Variants in EYA4 observed in about 807,000 individuals in gnomAD.
EYA4 encodes the protein EYA transcriptional coactivator and phosphatase 4, also known as protein phosphatase EYA4.
EYA4 carries 31 observed loss-of-function variants against 87.9 expected under a neutral mutation model. The observed-to-expected ratio is 0.35, with a 90% CI of 0.27 to 0.48. The LOEUF (loss-of-function observed/expected upper bound fraction) is 0.48. EYA4 is among the 20% of genes least tolerant of loss of function. The probability of loss-of-function intolerance (pLI) is 0.99; values close to 1 mark genes in which losing one functional copy is unlikely to be tolerated. For synonymous variants in EYA4, 263 were observed against 270.6 expected, an observed-to-expected ratio of 0.97 and a Z score of 0.28; for missense variants, 678 against 761.4, an observed-to-expected ratio of 0.89 and a Z score of 1.29.
intron 2 of EYA4, among the ~76,000 whole-genome samples, chr6:133,369,856 G>A (rs1269317938): frequency 6.6e-6 from 1 of 152,212 alleles, no homozygotes; most frequent in Non-Finnish European, 1.5e-5. Flanking sequence ...GAGTCTAGGA[G>A]TCAGGAGATG....
At chr6:133,294,023 TTA>T (rs71771244) in intron 2 of EYA4, among the ~76,000 whole-genome samples, 3,355 of 78,274 alleles carry the variant, frequency 0.043, 120 homozygotes, top group East Asian at 0.13. Flanking sequence ...TAGGGTGATT[TTA>T]TATATATATA....
rs751122119 is a variant in EYA4 at position 133,506,212 on chromosome 6, G to A, written c.1281+17G>A. On this transcript the variant is annotated intron_variant, in intron 14 of 19. Coordinates refer to ENST00000355286, the MANE Select transcript of EYA4 (RefSeq NM_004100.5). ...GATTTAGAGGTAAGAATTTTACAAG[G>A]TACAAATAGTTGTATCCAACACCAG... 1.3e-5 allele frequency: 18 copies of A among 1,413,560 alleles called. No homozygotes were observed. The highest frequency in any genetic ancestry group is 2.3e-5 in the East Asian group (1 of 43,882). 87.6% of individuals were successfully genotyped at this position (1,413,560 alleles called of 1,614,324 possible). A position where few individuals can be genotyped will look rare whatever the true frequency, so the allele number is the denominator to read the frequency against.
Position 133,425,162 on chromosome 6 carries a change from CAGA to C in EYA4, c.84-21463_84-21461del, listed in dbSNP as rs552312133. Reference sequence around the variant, plus strand: ...GTTTAATTGACCACTTAATCTTTCACAGAAGAATATATATATGCGCCTATAAAT... The same window carrying C: ...GTTTAATTGACCACTTAATCTTTCACAGAATATATATATGCGCCTATAAAT... On this transcript the variant is annotated intron_variant, in intron 3 of 19. Coordinates refer to ENST00000355286, the MANE Select transcript of EYA4 (RefSeq NM_004100.5). Among the ~76,000 whole-genome samples the C allele has an allele frequency of 1.6e-3, 235 of 150,768 alleles. 2 individuals carry two copies. Among genetic ancestry groups the C allele is most frequent in the Non-Finnish European group, 3.0e-3 (204 of 68,028 alleles).
At chr6:133,524,977 G>T (rs1438016277) in intron 18 of EYA4, 177 bp from the exon 19 acceptor site, 11 of 1,519,184 alleles carry the variant, frequency 7.2e-6, no homozygotes, top group Non-Finnish European at 1.0e-5. Context: ...GTTAATGAAT[G>T]CAGTGGCTGG....
intron 2 of EYA4, among the ~76,000 whole-genome samples, chr6:133,284,217 A>G (rs9399055): frequency 0.12 from 18,139 of 152,232 alleles, 1,355 homozygotes; most frequent in Non-Finnish European, 0.17. Flanking sequence ...TAATTGTACA[A>G]TCTTCATTAA....
intron 2 of EYA4, among the ~76,000 whole-genome samples, chr6:133,367,682 TA>T (rs1185268121): frequency 6.6e-6 from 1 of 152,174 alleles, no homozygotes; most frequent in Non-Finnish European, 1.5e-5. Flanking sequence ...TTCAACATTT[TA>T]AAACAAGGGA....
At chr6:133,486,275 C>A (rs925220934) in intron 13 of EYA4, among the ~76,000 whole-genome samples, 2 of 151,752 alleles carry the variant, frequency 1.3e-5, no homozygotes, top group African/African-American at 4.9e-5. Flanking sequence ...TTCAGAAAAT[C>A]GGCACTGCCT....
intron 1 of EYA4, among the ~76,000 whole-genome samples, chr6:133,273,817 A>T (rs1015170855): frequency 1.3e-5 from 2 of 152,106 alleles, no homozygotes; most frequent in African/African-American, 4.8e-5. Flanking sequence ...AGAGCTCTTT[A>T]TATGTTAAGA....
At chr6:133,336,387 A>G (rs1265227510) in intron 2 of EYA4, among the ~76,000 whole-genome samples, 1 of 152,180 alleles carries the variant, frequency 6.6e-6, no homozygotes, top group Non-Finnish European at 1.5e-5. Context: ...TGGAGTACCT[A>G]ACCTTACAAA....
At chr6:133,251,382 A>G (rs1554208392) in intron 1 of EYA4, among the ~76,000 whole-genome samples, 1 of 152,202 alleles carries the variant, frequency 6.6e-6, no homozygotes, top group Non-Finnish European at 1.5e-5. Context: ...TTACCTTTAG[A>G]GAGACAGTAG....
At chr6:133,415,275 CT>C (rs1789612259) in intron 3 of EYA4, among the ~76,000 whole-genome samples, 1 of 152,164 alleles carries the variant, frequency 6.6e-6, no homozygotes, top group Admixed American at 6.5e-5. Flanking sequence ...TGAAGCGAGT[CT>C]TTTTACCTAT....
chr6:133,423,132 G>T (rs576564413), intron 3 of EYA4, among the ~76,000 whole-genome samples: 1 of 152,070 alleles, frequency 6.6e-6, no homozygotes, highest in African/African-American at 2.4e-5. Flanking sequence ...ATGACTGGAG[G>T]GTTTGCAGGA....
chr6:133,509,400 T>TAA (rs150944930), intron 14 of EYA4, among the ~76,000 whole-genome samples: 15 of 139,822 alleles, frequency 1.1e-4, no homozygotes, highest in East Asian at 2.1e-4. Flanking sequence ...GTGCTTTTCT[T>TAA]AAAAAAAAAA....
intron 1 of EYA4, among the ~76,000 whole-genome samples, chr6:133,260,417 T>C (rs551982794): frequency 4.1e-4 from 63 of 152,126 alleles, no homozygotes; most frequent in Admixed American, 9.2e-4. Context: ...TTTGTATTTT[T>C]AGTAGAAAAG....
intron 2 of EYA4, among the ~76,000 whole-genome samples, chr6:133,359,985 A>T (rs1187377517): frequency 6.6e-6 from 1 of 152,202 alleles, no homozygotes; most frequent in African/African-American, 2.4e-5. Context: ...CGCTATGTAC[A>T]TCTGGAAGGC....
intron 17 of EYA4, among the ~76,000 whole-genome samples, chr6:133,520,668 G>A (rs1302224953): frequency 4.5e-3 from 532 of 118,914 alleles, no homozygotes; most frequent in African/African-American, 7.3e-3. Context: ...AAAAGAGCCC[G>A]CATCGCCAAG....
intron 2 of EYA4, among the ~76,000 whole-genome samples, chr6:133,319,171 A>G (rs1181607153): frequency 1.3e-5 from 2 of 152,210 alleles, no homozygotes; most frequent in Non-Finnish European, 1.5e-5. Context: ...CACTGCTATA[A>G]GAGAAGAGGG....
In EYA4 at chr6:133,523,058, G is replaced by C. The variant is rs748781018; in HGVS notation, c.1619G>C (p.Ser540Thr). The C allele has an allele frequency of 6.2e-7, 1 of 1,610,526 alleles. No homozygotes were observed. Among genetic ancestry groups the C allele is most frequent in the African/African-American group, 1.3e-5 (1 of 74,936 alleles). The change falls in exon 18 of 20, where the codon AGT (serine) becomes ACT (threonine). Residue 540 changes from serine (S) to threonine (T), a missense_variant and splice_region_variant. Coordinates refer to ENST00000355286, the MANE Select transcript of EYA4 (RefSeq NM_004100.5). ...LKSLSIISTR[S>T]NCINVLVTTT... Reference sequence around the variant, plus strand: ...TGTATATTTCCTCCCTATTTTAGGAGTAACTGCATAAATGTCTTGGTAACG... The same window carrying C: ...TGTATATTTCCTCCCTATTTTAGGACTAACTGCATAAATGTCTTGGTAACG...
intron 3 of EYA4, among the ~76,000 whole-genome samples, chr6:133,443,107 T>C (rs1181350966): frequency 1.3e-5 from 2 of 151,962 alleles, no homozygotes; most frequent in Admixed American, 1.3e-4. Context: ...TTTCTGGTTT[T>C]GGGGTCAGGG....
Sources: allele counts gnomAD v4.1 joint callset (sites outside exome capture counted in the v4.1 genomes callset), GRCh38; gene constraint gnomAD v4.1.1; transcripts MANE v1.5; gene names NCBI Gene and HGNC (gene_info 2026-07-23, HGNC 2026-07-21).